Variants in FOXK2 observed in about 807,000 individuals in gnomAD.
FOXK2 encodes forkhead box K2.
Under a neutral mutation model 53.3 loss-of-function variants are expected in FOXK2, and 24 were observed. The observed-to-expected ratio is 0.45, with a 90% CI of 0.33 to 0.63. FOXK2 has a LOEUF of 0.63. Among genes scored for constraint, FOXK2 ranks in the 30% least tolerant of loss-of-function variants. The pLI, the probability that FOXK2 is intolerant of heterozygous loss-of-function variation, is 0.03. For missense variants in FOXK2, 952 were observed against 910.5 expected (o/e 1.05, Z -0.59); for synonymous variants, 505 against 407.1 (o/e 1.24, Z -2.89).
chr17:82,569,954 G>T (rs376818665), intron 3 of FOXK2, among the ~76,000 whole-genome samples: 32 of 150,114 alleles, frequency 2.1e-4, no homozygotes, highest in African/African-American at 7.7e-4. Context: ...GGGCGCAGTG[G>T]CTCACGCCTG....
rs1423069687 is a variant in FOXK2, at chr17:82,603,964, A to C, written c.*2465A>C. 1.3e-5 allele frequency: 2 copies of C among 152,176 alleles called. No homozygotes were observed. The highest frequency in any genetic ancestry group is 4.8e-5 in the African/African-American group (2 of 41,444). 9.4% of individuals were successfully genotyped at this position (152,176 alleles called of 1,614,324 possible). A position where few individuals can be genotyped will look rare whatever the true frequency, so the allele number is the denominator to read the frequency against. ...TTTAAGGCACTGTTTCTAAATTTTGAACTTAGCTCTGAATCCCCAAGAACT... is the reference window on the plus strand; with the variant it reads ...TTTAAGGCACTGTTTCTAAATTTTGCACTTAGCTCTGAATCCCCAAGAACT... On this transcript the variant is annotated 3_prime_UTR_variant, in exon 9 of 9. Transcript: ENST00000335255.
chr17:82,593,799 T>C (rs2045280920), intron 8 of FOXK2: 2 of 152,238 alleles, frequency 1.3e-5, no homozygotes, highest in Non-Finnish European at 2.9e-5. Flanking sequence ...ACGATGGGTG[T>C]TGCGTTGTGA....
intron 1 of FOXK2, among the ~76,000 whole-genome samples, chr17:82,521,177 G>A (rs1464763115): frequency 6.6e-6 from 1 of 151,528 alleles, no homozygotes; most frequent in Non-Finnish European, 1.5e-5. Flanking sequence ...GAATTTTTTT[G>A]TTTTTTGTTT....
chr17:82,570,546 C>T (rs927150825), intron 3 of FOXK2, among the ~76,000 whole-genome samples: 16 of 152,196 alleles, frequency 1.1e-4, no homozygotes, highest in African/African-American at 3.9e-4. Context: ...CAGCGCTGAA[C>T]GCGGCCTGTG....
rs988459376 is a variant in FOXK2 at position 82,601,229 on chromosome 17, G to A, written c.1787-74G>A. ...GGGGTTCTGACTCGCGAGGGTTCAC[G>A]TGAGAGCGTGGGGTTCTGAGTCGCG... On this transcript the variant is annotated intron_variant, in intron 8 of 8. Coordinates refer to ENST00000335255, the MANE Select transcript of FOXK2 (RefSeq NM_004514.4). 1.5e-5 allele frequency: 22 copies of A among 1,486,196 alleles called. 1 individual carries two copies. The highest frequency in any genetic ancestry group is 8.8e-5 in the South Asian group (7 of 79,764). 92.1% of individuals were successfully genotyped at this position (1,486,196 alleles called of 1,614,324 possible).
At chr17:82,527,484 C>T (rs747424646) in intron 1 of FOXK2, among the ~76,000 whole-genome samples, 14 of 151,954 alleles carry the variant, frequency 9.2e-5, no homozygotes, top group East Asian at 2.0e-4. Context: ...CAAAAATTAA[C>T]TGGGCATGGT....
chr17:82,560,602 G>A (rs1472443118), intron 1 of FOXK2, among the ~76,000 whole-genome samples: 1 of 152,190 alleles, frequency 6.6e-6, no homozygotes, highest in African/African-American at 2.4e-5. Flanking sequence ...GATACCAGTG[G>A]TCTGCTTCTC....
chr17:82,559,565 G>T, intron 1 of FOXK2: 2 of 446,062 alleles, frequency 4.5e-6, no homozygotes. Context: ...AGGAGATGAT[G>T]GGTGGGAGTC....
At position 82,570,763 on chromosome 17, in the gene FOXK2, G is replaced by A. The variant is rs74772664; in HGVS notation, c.763-961G>A. On this transcript the variant is annotated intron_variant, in intron 3 of 8. Transcript: ENST00000335255. The stretch of plus-strand genomic sequence containing the variant: ...ATGTTGACAAGCGTGTTGCCCAGAA[G>A]TTCACAACCAGGAGTGATTCCCTTT... Among the ~76,000 whole-genome samples the A allele has an allele frequency of 5.6e-3, 857 of 152,320 alleles. 13 individuals are homozygous for A. Among genetic ancestry groups the A allele is most frequent in the African/African-American group, 0.02 (817 of 41,558 alleles).
chr17:82,521,774 C>CAAA (rs768862024), intron 1 of FOXK2, among the ~76,000 whole-genome samples: 21,845 of 116,008 alleles, frequency 0.19, 2,043 homozygotes, highest in Non-Finnish European at 0.25. Context: ...ACTAAAAATA[C>CAAA]AAAAAAAAAA....
chr17:82,584,107 G>A lies in FOXK2; in HGVS notation c.1198G>A (p.Ala400Thr), dbSNP rs2045102113. The A allele has an allele frequency of 1.2e-6, 2 of 1,611,150 alleles. No individual in the cohort carries two copies. The highest frequency in any genetic ancestry group is 1.7e-6 in the Non-Finnish European group (2 of 1,179,836). Residue 400 changes from alanine to threonine, a missense_variant, in exon 6 of 9, where the codon GCC becomes ACC. Coordinates refer to ENST00000335255, the MANE Select transcript of FOXK2 (RefSeq NM_004514.4). ...PESLSREGSPAPLEPEPGAAQ... is the reference protein window; with the variant it reads ...PESLSREGSPTPLEPEPGAAQ... ...GAGCCTGTCGAGGGAAGGTTCGCCG[G>A]CCCCCCTGGAGCCTGAGCCTGGCGC...
At chr17:82,545,066 C>T (rs538167098) in intron 1 of FOXK2, among the ~76,000 whole-genome samples, 1 of 152,180 alleles carries the variant, frequency 6.6e-6, no homozygotes, top group African/African-American at 2.4e-5. Context: ...TGCTGCTGAC[C>T]TAGTGGTTTC....
Position 82,587,211 on chromosome 17 carries a change from A to C in FOXK2, c.1725A>C (p.Val575=). ...LGQHQLPIKT[V]TQNGTHVASV... is the part of the protein sequence containing the mutation. The stretch of plus-strand genomic sequence containing the variant: ...AACACCAGCTACCAATAAAAACTGT[A>C]ACACAAAACGGCACTCACGTGGCAT... Residue 575 remains valine, a synonymous_variant, in exon 8 of 9, where the codon GTA becomes GTC. Transcript: ENST00000335255. 6.2e-7 allele frequency: 1 copy of C among 1,613,112 alleles called. No individual in the cohort carries two copies. The highest frequency in any genetic ancestry group is 8.5e-7 in the Non-Finnish European group (1 of 1,180,018).
chr17:82,583,233 A>G (rs980232399), intron 5 of FOXK2, among the ~76,000 whole-genome samples: 9 of 152,174 alleles, frequency 5.9e-5, no homozygotes, highest in African/African-American at 2.2e-4. Context: ...TTCCCTTGGC[A>G]CAGGAAAAGT....
At chr17:82,599,023 T>C (rs2045350353) in intron 8 of FOXK2, 1 of 152,114 alleles carries the variant, frequency 6.6e-6, no homozygotes, top group Non-Finnish European at 1.5e-5. Context: ...TGCCCTCTCG[T>C]TGGGCTCCAA....
chr17:82,604,557 A>G lies in FOXK2; in HGVS notation c.*3058A>G, dbSNP rs2045425040. ...GTGCAAAGATTTGAAGTTTTAAAAAAGTACCAAGTTCCTGAAATTCAATAA... is the reference window on the plus strand; with the variant it reads ...GTGCAAAGATTTGAAGTTTTAAAAAGGTACCAAGTTCCTGAAATTCAATAA... On this transcript the variant is annotated 3_prime_UTR_variant, in exon 9 of 9. Coordinates refer to ENST00000335255, the MANE Select transcript of FOXK2 (RefSeq NM_004514.4). 6.6e-6 allele frequency: 1 copy of G among 152,652 alleles called. No homozygotes were observed. The highest frequency in any genetic ancestry group is 2.1e-4 in the South Asian group (1 of 4,828). The allele number at this position is 152,652 out of a possible 1,614,324, so 9.5% of individuals were successfully genotyped here. A position where few individuals can be genotyped will look rare whatever the true frequency, so the allele number is the denominator to read the frequency against.
At chr17:82,569,752 T>A (rs2044892808) in intron 3 of FOXK2, among the ~76,000 whole-genome samples, 1 of 152,164 alleles carries the variant, frequency 6.6e-6, no homozygotes, top group Non-Finnish European at 1.5e-5. Flanking sequence ...GCACCTGTAG[T>A]CACAGCTGCT....
chr17:82,539,849 C>G (rs2044557854), intron 1 of FOXK2, among the ~76,000 whole-genome samples: 1 of 151,280 alleles, frequency 6.6e-6, no homozygotes. Flanking sequence ...ACCTGTAATC[C>G]CAGCTACTCA....
At chr17:82,545,718 A>G (rs1435567737) in intron 1 of FOXK2, among the ~76,000 whole-genome samples, 1 of 151,480 alleles carries the variant, frequency 6.6e-6, no homozygotes, top group Non-Finnish European at 1.5e-5. Context: ...AGTGGCTGGG[A>G]TTATAGGTAC....
Sources: gnomAD v4.1 joint callset for allele counts (sites outside exome capture counted in the v4.1 genomes callset) on GRCh38, gnomAD v4.1.1 for gene constraint, MANE v1.5 for transcripts, NCBI Gene and HGNC (gene_info 2026-07-23, HGNC 2026-07-21) for gene names.